MYZAP: variants seen among roughly 807,000 people sequenced by gnomAD.
MYZAP encodes the protein myocardial zonula adherens protein.
Under a neutral mutation model 69.4 loss-of-function variants are expected in MYZAP, and 66 were observed. The ratio of observed to expected loss-of-function variants is 0.95; its 90% CI spans 0.78 to 1.17. The LOEUF (loss-of-function observed/expected upper bound fraction) is 1.17, where lower values mean the gene tolerates loss of function less well. Ranked by LOEUF, MYZAP falls within the 50% of genes most tolerant of loss-of-function variation. The probability of loss-of-function intolerance (pLI) is 0.00; values close to 1 mark genes in which losing one functional copy is unlikely to be tolerated. For synonymous variants in MYZAP, 256 were observed against 205.9 expected (o/e 1.24, Z -2.09); for missense variants, 611 against 556.2 (o/e 1.10, Z -0.99).
At chr15:57,673,460 ATGCGTG>A (rs2038967812) in intron 11 of MYZAP, among the ~76,000 whole-genome samples, 1 of 72,868 alleles carries the variant, frequency 1.4e-5, no homozygotes, top group African/African-American at 5.2e-5. Flanking sequence ...GCATGCGTGC[ATGCGTG>A]TGTGTGTGTG....
At chr15:57,646,681 G>GT (rs2037462948) in intron 10 of MYZAP, 1 of 989,420 alleles carries the variant, frequency 1.0e-6, no homozygotes, top group Admixed American at 6.0e-5. Context: ...TATCCATGTG[G>GT]TTTGGTTCTA....
At chr15:57,616,228 T>C (rs1453785245) in intron 2 of MYZAP, among the ~76,000 whole-genome samples, 1 of 152,236 alleles carries the variant, frequency 6.6e-6, no homozygotes, top group Admixed American at 6.5e-5. Context: ...AAAAAATGCT[T>C]TGTGGGCCAG....
At chr15:57,671,033 A>G (rs2038842502) in intron 11 of MYZAP, among the ~76,000 whole-genome samples, 1 of 152,004 alleles carries the variant, frequency 6.6e-6, no homozygotes, top group African/African-American at 2.4e-5. Context: ...TTTCATATAT[A>G]CTCTATTTCT....
chr15:57,611,521 A>C (rs1698966885), intron 2 of MYZAP, among the ~76,000 whole-genome samples: 2 of 152,090 alleles, frequency 1.3e-5, no homozygotes, highest in African/African-American at 4.8e-5. Flanking sequence ...TACTAGCTGC[A>C]CACTAGTCTG....
rs559155562 is a variant in MYZAP at position 57,632,477 on chromosome 15, T to C, written c.722T>C (p.Met241Thr). The C allele has an allele frequency of 6.2e-6, 10 of 1,614,178 alleles. No individual in the cohort carries two copies. The African/African-American group carries it at 1.1e-4, about 17-fold the overall frequency. Reference protein sequence around the residue: ...QEANAEVMREMTKKLYSQYEE... With the variant: ...QEANAEVMRETTKKLYSQYEE... ...GCCAATGCTGAGGTGATGCGAGAGATGACCAAGAAGCTGTACAGCCAGTAT... is the reference window on the plus strand; with the variant it reads ...GCCAATGCTGAGGTGATGCGAGAGACGACCAAGAAGCTGTACAGCCAGTAT... Residue 241 changes from methionine (M) to threonine (T), a missense_variant, in exon 7 of 13, where the codon ATG (methionine) becomes ACG (threonine). Met to Thr is a moderately conservative substitution (Grantham distance 81, BLOSUM62 -1). Coordinates refer to ENST00000267853, the MANE Select transcript of MYZAP (RefSeq NM_001018100.5).
chr15:57,627,614 T>G (rs2036237696), intron 5 of MYZAP, among the ~76,000 whole-genome samples: 1 of 152,130 alleles, frequency 6.6e-6, no homozygotes, highest in South Asian at 2.1e-4. Context: ...CTCTGTCCAC[T>G]TTCATTATTA....
intron 3 of MYZAP, among the ~76,000 whole-genome samples, chr15:57,618,753 G>T (rs1320477431): frequency 1.3e-5 from 2 of 152,192 alleles, no homozygotes; most frequent in African/African-American, 4.8e-5. Context: ...TTCATCCAGA[G>T]CAATTGTTAA....
At chr15:57,667,181 A>G (rs558061071) in intron 11 of MYZAP, among the ~76,000 whole-genome samples, 27 of 151,892 alleles carry the variant, frequency 1.8e-4, no homozygotes, top group Non-Finnish European at 3.2e-4. Context: ...ACTATTATTA[A>G]TTTTTCTGTG....
intron 10 of MYZAP, among the ~76,000 whole-genome samples, chr15:57,639,962 G>A (rs558246057): frequency 7.9e-5 from 12 of 151,996 alleles, no homozygotes; most frequent in East Asian, 3.9e-4. Flanking sequence ...GTCCTTTATC[G>A]TTTTCTGGGT....
chr15:57,592,521 A>C (rs562302333), intron 1 of MYZAP, among the ~76,000 whole-genome samples: 1 of 152,138 alleles, frequency 6.6e-6, no homozygotes, highest in Non-Finnish European at 1.5e-5. Context: ...TGTGTCCACT[A>C]GTGATAGGGT....
intron 7 of MYZAP, 111 bp downstream of exon 7, chr15:57,632,670 C>A: frequency 6.6e-7 from 1 of 1,510,348 alleles, no homozygotes; most frequent in Non-Finnish European, 8.9e-7. Flanking sequence ...GTAGACTCAG[C>A]CATGGGTAAG....
chr15:57,668,858 A>G (rs2038723982), intron 11 of MYZAP, among the ~76,000 whole-genome samples: 2 of 144,858 alleles, frequency 1.4e-5, no homozygotes, highest in South Asian at 2.2e-4. Context: ...TGTTTTCTTA[A>G]TGATGTCTGT....
intron 2 of MYZAP, among the ~76,000 whole-genome samples, chr15:57,610,042 T>G (rs1423142380): frequency 6.6e-6 from 1 of 152,200 alleles, no homozygotes; most frequent in African/African-American, 2.4e-5. Flanking sequence ...GCATCTGATC[T>G]GAGTTGATTC....
At chr15:57,656,441 A>G (rs1409748281) in intron 10 of MYZAP, among the ~76,000 whole-genome samples, 1 of 152,236 alleles carries the variant, frequency 6.6e-6, no homozygotes, top group African/African-American at 2.4e-5. Flanking sequence ...TACAAGAGAC[A>G]ATATTTCAAG....
intron 11 of MYZAP, among the ~76,000 whole-genome samples, chr15:57,674,670 G>A (rs1414364857): frequency 1.3e-5 from 2 of 152,198 alleles, no homozygotes; most frequent in African/African-American, 2.4e-5. Flanking sequence ...AATATAGATG[G>A]AAAGATAGCT....
intron 4 of MYZAP, among the ~76,000 whole-genome samples, chr15:57,624,395 A>G (rs2036000627): frequency 6.6e-6 from 1 of 151,970 alleles, no homozygotes; most frequent in South Asian, 2.1e-4. Flanking sequence ...TCCCTACCCC[A>G]TTTCTTGATT....
chr15:57,615,553 A>C (rs1297307144), intron 2 of MYZAP, among the ~76,000 whole-genome samples: 3 of 152,210 alleles, frequency 2.0e-5, no homozygotes, highest in Non-Finnish European at 4.4e-5. Context: ...GCAGAAATGC[A>C]TTTCACCAAA....
intron 3 of MYZAP, among the ~76,000 whole-genome samples, chr15:57,619,377 G>A (rs752971985): frequency 3.3e-5 from 5 of 152,112 alleles, no homozygotes; most frequent in Non-Finnish European, 7.3e-5. Context: ...TTTCGAGACA[G>A]CGTCTCACTC....
At chr15:57,654,250 G>A (rs1232481157) in intron 10 of MYZAP, among the ~76,000 whole-genome samples, 1 of 152,030 alleles carries the variant, frequency 6.6e-6, no homozygotes, top group Non-Finnish European at 1.5e-5. Flanking sequence ...GATTGATCAA[G>A]TTTTAGTGTG....
Sources: gnomAD v4.1 joint callset for allele counts (sites outside exome capture counted in the v4.1 genomes callset) on GRCh38, gnomAD v4.1.1 for gene constraint, MANE v1.5 for transcripts, NCBI Gene and HGNC (gene_info 2026-07-23, HGNC 2026-07-21) for gene names.